Variants in SCYL3 observed in about 807,000 individuals in gnomAD.
SCYL3 encodes SCY1 like pseudokinase 3.
SCYL3 carries 35 observed loss-of-function variants against 73.8 expected under a neutral mutation model. The ratio of observed to expected loss-of-function variants is 0.47; its 90% confidence interval spans 0.36 to 0.63. SCYL3 has a LOEUF of 0.63. Ranked by LOEUF, SCYL3 falls within the 20% of genes least tolerant of loss-of-function variation. The probability of loss-of-function intolerance (pLI) is 0.00; values close to 1 mark genes in which losing one functional copy is unlikely to be tolerated. For missense variants in SCYL3, 712 were observed against 798.9 expected (o/e 0.89, Z 1.31); for synonymous variants, 277 against 295.2 (o/e 0.94, Z 0.63).
intron 10 of SCYL3, 32 bp from the exon 11 acceptor site, chr1:169,859,244 A>G (rs893004148): frequency 2.5e-6 from 4 of 1,578,292 alleles, no homozygotes; most frequent in Non-Finnish European, 2.6e-6. Flanking sequence ...AGGGTTGACA[A>G]CCACAATACC....
chr1:169,851,805 G>T lies in SCYL3; in HGVS notation c.*1908C>A. The T allele has an allele frequency of 6.2e-7, 1 of 1,610,600 alleles. No homozygotes were observed. Among genetic ancestry groups the T allele is most frequent in the South Asian group, 1.1e-5 (1 of 90,590 alleles). ...TGTTGCTATTTGCTTGGTTTTTCAT[G>T]GTCCCTGGCAGACTGGGTTTGTAGA... On this transcript the variant is annotated 3_prime_UTR_variant, in exon 13 of 13. Transcript: ENST00000367771.
rs1451071302 is a variant in SCYL3 at position 169,852,701 on chromosome 1, A to G, written c.*1012T>C. ...CCTTGTGATCCAATGACTAGAATAAAATTTGCATGTAAGCTTTACTCCAGT... is the reference window on the plus strand; with the variant it reads ...CCTTGTGATCCAATGACTAGAATAAGATTTGCATGTAAGCTTTACTCCAGT... On this transcript the variant is annotated 3_prime_UTR_variant, in exon 13 of 13. Transcript: ENST00000367771. The G allele has an allele frequency of 1.7e-5, 23 of 1,355,190 alleles. No individual in the cohort carries two copies. Among genetic ancestry groups the G allele is most frequent in the Non-Finnish European group, 2.4e-5 (23 of 968,722 alleles). The allele number at this position is 1,355,190 out of a possible 1,614,324, so 83.9% of individuals were successfully genotyped here.
chr1:169,879,090 G>A (rs1463924507), intron 2 of SCYL3, among the ~76,000 whole-genome samples: 1 of 152,106 alleles, frequency 6.6e-6, no homozygotes, highest in East Asian at 1.9e-4. Context: ...ATCCCTCAAC[G>A]ATTACTGCTA....
rs780703947 is a variant in SCYL3, at chr1:169,854,733, G to A, written c.1544C>T (p.Ser515Phe). 3 of 1,614,048 alleles carry A rather than the reference G, an allele frequency of 1.9e-6. No individual in the cohort carries two copies. In the South Asian group the frequency reaches 3.3e-5, roughly 18 times the overall value. Residue 515 changes from serine to phenylalanine, a missense_variant, in exon 12 of 13, where the codon TCT (serine) becomes TTT (phenylalanine). Transcript: ENST00000367771. ...GCTGCTGGGCTCGCAGTCATCCCAA[G>A]ATGACTCTTCCACATCCAAGGTAGT... ...QCTTLDVEES[S>F]WDDCEPSSLD...
chr1:169,876,204 T>C (rs997836789), intron 3 of SCYL3, 113 bp from the exon 4 acceptor site: 7 of 534,912 alleles, frequency 1.3e-5, no homozygotes, highest in African/African-American at 1.2e-4. Flanking sequence ...AAAAACTAAA[T>C]ACTAATCACC....
At chr1:169,865,119 T>C (rs1304381878) in intron 8 of SCYL3, among the ~76,000 whole-genome samples, 1 of 152,118 alleles carries the variant, frequency 6.6e-6, no homozygotes, top group Non-Finnish European at 1.5e-5. Flanking sequence ...GCTTTGTAGA[T>C]AATAAAAGAC....
At chr1:169,885,755 T>C (rs765132978) in intron 2 of SCYL3, among the ~76,000 whole-genome samples, 1 of 152,144 alleles carries the variant, frequency 6.6e-6, no homozygotes, top group Non-Finnish European at 1.5e-5. Flanking sequence ...TAAGTGAAAA[T>C]ATAGATCTGG....
intron 6 of SCYL3, 38 bp downstream of exon 6, chr1:169,870,217 A>C (rs1368926177): frequency 1.5e-6 from 2 of 1,371,318 alleles, no homozygotes; most frequent in Non-Finnish European, 2.1e-6. Context: ...TGATTTTCCT[A>C]CTTATTCTAT....
intron 11 of SCYL3, among the ~76,000 whole-genome samples, chr1:169,856,428 T>C (rs904551506): frequency 2.0e-5 from 3 of 152,050 alleles, no homozygotes; most frequent in African/African-American, 4.8e-5. Context: ...GGGGAAAAAA[T>C]TAGTTTCAAG....
intron 4 of SCYL3, among the ~76,000 whole-genome samples, chr1:169,873,984 C>G (rs3817858): frequency 0.037 from 5,648 of 152,274 alleles, 174 homozygotes; most frequent in South Asian, 0.1. Flanking sequence ...TTCCTCTCCC[C>G]TTCATCTGGT....
Position 169,852,579 on chromosome 1 carries a change from C to T in SCYL3, c.*1134G>A, listed in dbSNP as rs1412702321. 8.7e-6 allele frequency: 5 copies of T among 572,752 alleles called. No individual in the cohort carries two copies. The highest frequency in any genetic ancestry group is 1.5e-5 in the Non-Finnish European group (5 of 323,678). The allele number at this position is 572,752 out of a possible 1,614,324, so 35.5% of individuals were successfully genotyped here. A position where few individuals can be genotyped will look rare whatever the true frequency, so the allele number is the denominator to read the frequency against. On this transcript the variant is annotated 3_prime_UTR_variant, in exon 13 of 13. Transcript: ENST00000367771. ...GTTGTATACCACATACAAACTAAGACACTGGTAGTAGCACTCTGAATTGCT... is the reference window on the plus strand; with the variant it reads ...GTTGTATACCACATACAAACTAAGATACTGGTAGTAGCACTCTGAATTGCT...
Position 169,875,968 on chromosome 1 carries a change from C to A in SCYL3, c.465+10G>T. On this transcript the variant is annotated intron_variant, in intron 4 of 12. Coordinates refer to ENST00000367771, the MANE Select transcript of SCYL3 (RefSeq NM_020423.7). Reference sequence around the variant, plus strand: ...ACCAAGTAAGGAAGGGGGGCTGTCCCCTGGCTTACCTCTGGTGTGGCCTGA... The same window carrying A: ...ACCAAGTAAGGAAGGGGGGCTGTCCACTGGCTTACCTCTGGTGTGGCCTGA... The A allele has an allele frequency of 6.3e-7, 1 of 1,579,628 alleles. No homozygotes were observed. The highest frequency in any genetic ancestry group is 8.6e-7 in the Non-Finnish European group (1 of 1,158,110).
chr1:169,852,021 T>G lies in SCYL3; in HGVS notation c.*1692A>C. On this transcript the variant is annotated 3_prime_UTR_variant, in exon 13 of 13. Coordinates refer to ENST00000367771, the MANE Select transcript of SCYL3 (RefSeq NM_020423.7). The stretch of plus-strand genomic sequence containing the variant: ...TACTGACGAAACAAACCAGTGTGGT[T>G]TCCAGCCTTATGCTGAATTTCAAAT... 1 of 1,584,308 alleles carries G rather than the reference T, an allele frequency of 6.3e-7. No individual in the cohort carries two copies. Among genetic ancestry groups the G allele is most frequent in the South Asian group, 1.1e-5 (1 of 89,436 alleles).
chr1:169,858,269 A>G (rs542856746), intron 11 of SCYL3, among the ~76,000 whole-genome samples: 1 of 152,222 alleles, frequency 6.6e-6, no homozygotes, highest in East Asian at 1.9e-4. Context: ...TTATTTACTT[A>G]TTTTTACTTT....
At chr1:169,877,632 A>G (rs1660947579) in intron 3 of SCYL3, among the ~76,000 whole-genome samples, 1 of 152,248 alleles carries the variant, frequency 6.6e-6, no homozygotes, top group Non-Finnish European at 1.5e-5. Context: ...TTTGTTTTAT[A>G]TGCACAAAGA....
chr1:169,862,444 T>G (rs140202587), intron 10 of SCYL3, among the ~76,000 whole-genome samples, 169 bp downstream of exon 10: 76 of 152,376 alleles, frequency 5.0e-4, no homozygotes, highest in Middle Eastern at 6.8e-3. Context: ...TTTAATCAAT[T>G]TGCCTGTGTG....
chr1:169,867,061 T>G, intron 7 of SCYL3, 88 bp from the exon 8 acceptor site: 1 of 708,140 alleles, frequency 1.4e-6, no homozygotes, highest in Non-Finnish European at 2.4e-6. Context: ...ATCAATATAA[T>G]TTTCAACCAA....
chr1:169,852,947 G>A lies in SCYL3; in HGVS notation c.*766C>T. 1 of 1,614,070 alleles carries A rather than the reference G, an allele frequency of 6.2e-7. No homozygotes were observed. On this transcript the variant is annotated 3_prime_UTR_variant, in exon 13 of 13. Transcript: ENST00000367771. ...ATGGAAATGGAGGCGCTCCAAGAAA[G>A]GATGGATAAGCTAAAACGTTACATA...
chr1:169,866,997 T>C, intron 7 of SCYL3, 24 bp from the exon 8 acceptor site: 2 of 1,340,964 alleles, frequency 1.5e-6, no homozygotes, highest in Non-Finnish European at 2.1e-6. Flanking sequence ...AGAGAAGGAA[T>C]TCAGCAGAAC....
Sources: allele counts gnomAD v4.1 joint callset (sites outside exome capture counted in the v4.1 genomes callset), GRCh38; gene constraint gnomAD v4.1.1; transcripts MANE v1.5; gene names NCBI Gene and HGNC (gene_info 2026-07-23, HGNC 2026-07-21).